LRBA: variants seen among roughly 807,000 people sequenced by gnomAD.
LRBA encodes lipopolysaccharide-responsive and beige-like anchor protein.
A neutral mutation model predicts 330.0 loss-of-function variants in LRBA; 176 were observed. The ratio of observed to expected loss-of-function variants is 0.53; its 90% CI spans 0.47 to 0.60. The LOEUF (loss-of-function observed/expected upper bound fraction) is 0.60. Ranked by LOEUF, LRBA falls within the 20% of genes least tolerant of loss-of-function variation. The pLI, the probability that LRBA is intolerant of heterozygous loss-of-function variation, is 0.00. For synonymous variants in LRBA, 1,230 were observed against 1,193.0 expected, an observed-to-expected ratio of 1.03 and a Z score of -0.64; for missense variants, 3,259 against 3,444.8, an observed-to-expected ratio of 0.95 and a Z score of 1.35.
At chr4:150,975,983 G>GA (rs1231849436) in intron 2 of LRBA, among the ~76,000 whole-genome samples, 2 of 151,914 alleles carry the variant, frequency 1.3e-5, no homozygotes, top group African/African-American at 4.8e-5. Flanking sequence ...CCAACATAGT[G>GA]AAACCCCATC....
intron 38 of LRBA, among the ~76,000 whole-genome samples, chr4:150,592,382 T>TC (rs753339679): frequency 6.6e-5 from 10 of 151,872 alleles, no homozygotes; most frequent in Non-Finnish European, 1.3e-4. Context: ...GTTTTTTTTT[T>TC]CTCATATTTA....
At chr4:150,802,242 A>G (rs1741760537) in intron 33 of LRBA, among the ~76,000 whole-genome samples, 1 of 147,946 alleles carries the variant, frequency 6.8e-6, no homozygotes, top group Non-Finnish European at 1.5e-5. Flanking sequence ...AAAAAACCAC[A>G]GTGCAAAATT....
intron 4 of LRBA, among the ~76,000 whole-genome samples, chr4:150,922,549 T>C (rs549047703): frequency 6.6e-6 from 1 of 152,048 alleles, no homozygotes; most frequent in Non-Finnish European, 1.5e-5. Context: ...TTCTCACTGA[T>C]ATGTGGGAGC....
intron 37 of LRBA, among the ~76,000 whole-genome samples, chr4:150,669,944 G>A (rs1781905437): frequency 1.3e-5 from 2 of 152,140 alleles, no homozygotes; most frequent in Admixed American, 1.3e-4. Context: ...ACTTCTCAGT[G>A]CATCACATCA....
intron 2 of LRBA, among the ~76,000 whole-genome samples, chr4:150,988,738 C>T (rs1043687722): frequency 2.6e-5 from 4 of 151,970 alleles, no homozygotes; most frequent in Non-Finnish European, 4.4e-5. Flanking sequence ...ACCACCATGC[C>T]CAGCTAATTT....
chr4:150,950,730 T>C (rs1221585027), intron 2 of LRBA, among the ~76,000 whole-genome samples: 3 of 152,218 alleles, frequency 2.0e-5, no homozygotes, highest in Non-Finnish European at 2.9e-5. Context: ...AATGTTGTTT[T>C]TGTCTGTATT....
chr4:150,707,523 T>C (rs552277237), intron 36 of LRBA, among the ~76,000 whole-genome samples: 1 of 151,678 alleles, frequency 6.6e-6, no homozygotes, highest in East Asian at 1.9e-4. Context: ...TGTCAAAAAC[T>C]GCAGAGACCA....
At chr4:150,551,965 AG>A (rs1242528001) in intron 40 of LRBA, among the ~76,000 whole-genome samples, 1 of 152,130 alleles carries the variant, frequency 6.6e-6, no homozygotes, top group Non-Finnish European at 1.5e-5. Flanking sequence ...GGTGGGGGGT[AG>A]GAGGTATGAT....
chr4:150,689,163 C>T (rs1196174411), intron 36 of LRBA, among the ~76,000 whole-genome samples: 2 of 152,100 alleles, frequency 1.3e-5, no homozygotes, highest in Non-Finnish European at 2.9e-5. Flanking sequence ...TTTTCAGGGA[C>T]GTGGATGAAG....
intron 56 of LRBA, among the ~76,000 whole-genome samples, chr4:150,270,999 G>C (rs1746015831): frequency 6.6e-6 from 1 of 152,224 alleles, no homozygotes; most frequent in Admixed American, 6.5e-5. Flanking sequence ...ATTTCCAACT[G>C]AGGTACCTGG....
intron 40 of LRBA, among the ~76,000 whole-genome samples, chr4:150,518,465 T>A (rs1008849627): frequency 1.3e-5 from 2 of 152,226 alleles, no homozygotes; most frequent in East Asian, 1.9e-4. Flanking sequence ...GGGAGGCTAC[T>A]GTATGGTCAT....
intron 40 of LRBA, among the ~76,000 whole-genome samples, chr4:150,565,786 ATATG>A (rs1047715289): frequency 6.6e-5 from 10 of 152,274 alleles, no homozygotes; most frequent in Admixed American, 1.3e-4. Flanking sequence ...AAATACATTT[ATATG>A]TATGTATGTT....
chr4:150,704,953 C>T (rs1375611088), intron 36 of LRBA, among the ~76,000 whole-genome samples: 2 of 152,078 alleles, frequency 1.3e-5, no homozygotes, highest in African/African-American at 2.4e-5. Context: ...TTCTATACTA[C>T]GGAAATGGCT....
chr4:150,826,722 G>A (rs955257395), intron 30 of LRBA, among the ~76,000 whole-genome samples: 7 of 151,910 alleles, frequency 4.6e-5, no homozygotes, highest in South Asian at 2.1e-4. Context: ...GCCCTCAAAC[G>A]CAACTTCTCT....
intron 2 of LRBA, among the ~76,000 whole-genome samples, chr4:150,968,501 G>A (rs1321380203): frequency 6.6e-6 from 1 of 152,210 alleles, no homozygotes; most frequent in Non-Finnish European, 1.5e-5. Context: ...GGTCTGGATA[G>A]ATCAAATCAG....
At chr4:150,805,462 G>GGAAAGGAAAGGAAAC (rs1428692344) in intron 33 of LRBA, among the ~76,000 whole-genome samples, 6 of 118,458 alleles carry the variant, frequency 5.1e-5, no homozygotes, top group African/African-American at 2.0e-4. Flanking sequence ...GGAAAGGAAA[G>GGAAAGGAAAGGAAAC]GAAAGGAAAG....
chr4:150,799,393 A>G (rs749628823), intron 33 of LRBA, among the ~76,000 whole-genome samples: 3 of 152,202 alleles, frequency 2.0e-5, no homozygotes, highest in Non-Finnish European at 4.4e-5. Flanking sequence ...AAAGGCAAGC[A>G]ATACTCCCTC....
intron 44 of LRBA, among the ~76,000 whole-genome samples, chr4:150,450,604 C>T (rs1484100392): frequency 1.3e-5 from 2 of 152,166 alleles, no homozygotes; most frequent in East Asian, 1.9e-4. Context: ...TTGATTACAT[C>T]TTCAAAAACC....
intron 2 of LRBA, among the ~76,000 whole-genome samples, chr4:150,936,225 T>C (rs987674048): frequency 6.6e-6 from 1 of 152,102 alleles, no homozygotes; most frequent in African/African-American, 2.4e-5. Flanking sequence ...TATAATTGTG[T>C]TAAGTCAAGA....
Sources: gnomAD v4.1 joint callset for allele counts (sites outside exome capture counted in the v4.1 genomes callset) on GRCh38, gnomAD v4.1.1 for gene constraint, MANE v1.5 for transcripts, NCBI Gene and HGNC (gene_info 2026-07-23, HGNC 2026-07-21) for gene names.